The following PPP2R3A variants were observed in gnomAD, a reference collection of about 807,000 sequenced individuals.
PPP2R3A encodes the protein protein phosphatase 2 regulatory subunit B''alpha.
A neutral mutation model predicts 106.9 loss-of-function variants in PPP2R3A; 80 were observed. The observed-to-expected ratio is 0.75, with a 90% CI of 0.62 to 0.90. The LOEUF (loss-of-function observed/expected upper bound fraction) is 0.90. Among genes scored for constraint, PPP2R3A ranks in the 40% least tolerant of loss-of-function variants. PPP2R3A has a pLI of 0.00. For synonymous variants in PPP2R3A, 483 were observed against 468.3 expected, an observed-to-expected ratio of 1.03 and a Z score of -0.41; for missense variants, 1,386 against 1,350.4, an observed-to-expected ratio of 1.03 and a Z score of -0.41.
intron 5 of PPP2R3A, among the ~76,000 whole-genome samples, chr3:136,053,657 G>T (rs1256595426): frequency 2.6e-5 from 4 of 152,152 alleles, no homozygotes; most frequent in Non-Finnish European, 5.9e-5. Context: ...AGCATGCTAA[G>T]GCTTCTAATG....
chr3:136,038,032 T>C (rs1347450731), intron 3 of PPP2R3A, among the ~76,000 whole-genome samples: 1 of 152,202 alleles, frequency 6.6e-6, no homozygotes, highest in African/African-American at 2.4e-5. Context: ...AAAAGTGCTA[T>C]TTTCTTGCCT....
chr3:136,026,265 G>A (rs535996402), intron 2 of PPP2R3A, among the ~76,000 whole-genome samples: 1 of 152,230 alleles, frequency 6.6e-6, no homozygotes, highest in African/African-American at 2.4e-5. Context: ...CCAGGTAGGG[G>A]ACATTTCAGA....
chr3:136,139,637 G>A (rs1224149479), intron 13 of PPP2R3A, among the ~76,000 whole-genome samples: 1 of 149,496 alleles, frequency 6.7e-6, no homozygotes, highest in Non-Finnish European at 1.5e-5. Context: ...AGGTTGCAGT[G>A]AGCCGAGATC....
Position 136,002,276 on chromosome 3 carries a change from A to C in PPP2R3A, c.778A>C (p.Ser260Arg), listed in dbSNP as rs1241767549. ...ACAATGCATAAAGAAAAAATCAGGGAGTAGCATCAGTGAAGGAAGTGGTAA... is the reference window on the plus strand; with the variant it reads ...ACAATGCATAAAGAAAAAATCAGGGCGTAGCATCAGTGAAGGAAGTGGTAA... ...IKQCIKKKSG[S>R]SISEGSGNDT... Residue 260 changes from serine (S) to arginine (R), a missense_variant, in exon 2 of 14, where the codon AGT (serine) becomes CGT (arginine). By Grantham distance (110) the Ser-to-Arg change is moderately radical. Coordinates refer to ENST00000264977, the MANE Select transcript of PPP2R3A (RefSeq NM_002718.5). 2.2e-5 allele frequency: 36 copies of C among 1,613,834 alleles called. No individual in the cohort carries two copies. The highest frequency in any genetic ancestry group is 2.8e-5 in the Non-Finnish European group (33 of 1,179,942).
intron 3 of PPP2R3A, among the ~76,000 whole-genome samples, chr3:136,031,611 A>G (rs368767458): frequency 6.6e-6 from 1 of 152,250 alleles, no homozygotes; most frequent in East Asian, 1.9e-4. Flanking sequence ...TCCCATTGTT[A>G]TCTTCTAGAA....
At position 136,002,121 on chromosome 3, in the gene PPP2R3A, A is replaced by G; in HGVS notation, c.623A>G (p.Glu208Gly). 6.2e-7 allele frequency: 1 copy of G among 1,614,166 alleles called. No individual in the cohort carries two copies. Among genetic ancestry groups the G allele is most frequent in the Non-Finnish European group, 8.5e-7 (1 of 1,180,020 alleles). The change falls in exon 2 of 14, where the codon GAA (glutamate) becomes GGA (glycine). Residue 208 changes from glutamate to glycine, a missense_variant. Transcript: ENST00000264977. ...ATGTTTCTTCAAAACTTTTCTGAAG[A>G]AGACTTGGTTACTCAGATTTTGGAA... is the stretch of plus-strand genomic sequence containing the variant. ...TSMFLQNFSE[E>G]DLVTQILEKH...
chr3:136,008,585 G>A (rs1428329527), intron 2 of PPP2R3A, among the ~76,000 whole-genome samples: 3 of 152,170 alleles, frequency 2.0e-5, no homozygotes, highest in Non-Finnish European at 2.9e-5. Flanking sequence ...ATGTACTGAT[G>A]TAGAAGGGTC....
At chr3:136,003,606 C>A in intron 2 of PPP2R3A, 113 bp downstream of exon 2, 3 of 894,380 alleles carry the variant, frequency 3.4e-6, no homozygotes, top group Non-Finnish European at 5.0e-6. Context: ...TAAAGCTCTG[C>A]CCTACACTAG....
chr3:135,991,674 T>A (rs1013276389), intron 1 of PPP2R3A, among the ~76,000 whole-genome samples: 3 of 152,200 alleles, frequency 2.0e-5, no homozygotes, highest in Non-Finnish European at 2.9e-5. Context: ...TCATGTTCCC[T>A]AGACCCCAGA....
chr3:135,989,781 TTGTA>T (rs1185136330), intron 1 of PPP2R3A, among the ~76,000 whole-genome samples: 1 of 152,120 alleles, frequency 6.6e-6, no homozygotes, highest in African/African-American at 2.4e-5. Flanking sequence ...TATCTATAAG[TTGTA>T]TACTATAGAT....
At chr3:136,132,674 A>G (rs143307034) in intron 13 of PPP2R3A, among the ~76,000 whole-genome samples, 42 of 152,010 alleles carry the variant, frequency 2.8e-4, no homozygotes, top group East Asian at 2.5e-3. Context: ...TAAAATGTCA[A>G]TTATCCCCAA....
rs1933639313 is a variant in PPP2R3A, at chr3:136,001,933, A to G, written c.435A>G (p.Lys145=). Residue 145 remains lysine (K), a synonymous_variant, in exon 2 of 14, where the codon AAA becomes AAG. Coordinates refer to ENST00000264977, the MANE Select transcript of PPP2R3A (RefSeq NM_002718.5). ...SNHAAYRKGR[K]VKSDSFNRRS... is the part of the protein sequence containing the mutation. ...ATGCAGCTTACAGAAAGGGAAGGAAAGTTAAGTCTGACTCATTTAATAGGA... is the reference window on the plus strand; with the variant it reads ...ATGCAGCTTACAGAAAGGGAAGGAAGGTTAAGTCTGACTCATTTAATAGGA... 6.2e-7 allele frequency: 1 copy of G among 1,614,066 alleles called. No homozygotes were observed. The highest frequency in any genetic ancestry group is 8.5e-7 in the Non-Finnish European group (1 of 1,180,024).
intron 2 of PPP2R3A, among the ~76,000 whole-genome samples, chr3:136,016,202 T>C (rs984925429): frequency 3.3e-5 from 5 of 152,168 alleles, no homozygotes; most frequent in Non-Finnish European, 5.9e-5. Context: ...AATTTCAGTT[T>C]TCTTAAGTTA....
intron 1 of PPP2R3A, among the ~76,000 whole-genome samples, chr3:136,000,028 C>T (rs746069824): frequency 2.6e-4 from 40 of 152,242 alleles, no homozygotes; most frequent in Non-Finnish European, 5.1e-4. Flanking sequence ...TTTGTACTTG[C>T]GGTTATTCTA....
At chr3:135,999,805 G>A (rs539839053) in intron 1 of PPP2R3A, among the ~76,000 whole-genome samples, 6 of 151,552 alleles carry the variant, frequency 4.0e-5, no homozygotes, top group South Asian at 4.2e-4. Flanking sequence ...ATGGAGTCTC[G>A]CTCTGTCACC....
intron 6 of PPP2R3A, among the ~76,000 whole-genome samples, chr3:136,073,640 C>T (rs976305794): frequency 1.3e-5 from 2 of 152,078 alleles, no homozygotes; most frequent in Non-Finnish European, 2.9e-5. Context: ...GAACATTTCA[C>T]GTGAATATGT....
intron 7 of PPP2R3A, among the ~76,000 whole-genome samples, chr3:136,080,586 A>G (rs1936751698): frequency 6.6e-6 from 1 of 152,234 alleles, no homozygotes; most frequent in South Asian, 2.1e-4. Flanking sequence ...CTTACATATC[A>G]AAGGACATTT....
At chr3:135,981,443 A>T (rs1366980921) in intron 1 of PPP2R3A, among the ~76,000 whole-genome samples, 1 of 151,924 alleles carries the variant, frequency 6.6e-6, no homozygotes, top group Admixed American at 6.5e-5. Context: ...ACTTTATCCT[A>T]GATGGAGCCA....
Position 135,969,032 on chromosome 3 carries a change from ATATATT to A in PPP2R3A, c.-441+3188_-441+3193del, listed in dbSNP as rs376530298. Among the ~76,000 whole-genome samples the A allele has an allele frequency of 6.8e-3, 1,029 of 152,328 alleles. 20 individuals carry two copies. Among genetic ancestry groups the A allele is most frequent in the African/African-American group, 0.022 (928 of 41,564 alleles). On this transcript the variant is annotated intron_variant, in intron 1 of 13. Transcript: ENST00000264977. ...AATATGCTGTTTCATATGTGAATAA[ATATATT>A]TATAGGGTAAATTCCTAGAAATGGA...
Sources: gnomAD v4.1 joint callset for allele counts (sites outside exome capture counted in the v4.1 genomes callset) on GRCh38, gnomAD v4.1.1 for gene constraint, MANE v1.5 for transcripts, NCBI Gene and HGNC (gene_info 2026-07-23, HGNC 2026-07-21) for gene names.